The following SLCO3A1 variants were observed in gnomAD, a reference collection of about 807,000 sequenced individuals.
The protein encoded by SLCO3A1 is solute carrier organic anion transporter family member 3A1, also known as PGE1 transporter.
SLCO3A1 carries 27 observed loss-of-function variants against 63.1 expected under a neutral mutation model. That is an observed-to-expected ratio of 0.43 (90% CI 0.32 to 0.59). SLCO3A1 has a LOEUF of 0.59. Ranked by LOEUF, SLCO3A1 falls within the 20% of genes least tolerant of loss-of-function variation. SLCO3A1 has a pLI of 0.09. For missense variants in SLCO3A1, 773 were observed against 945.8 expected, an observed-to-expected ratio of 0.82 and a Z score of 2.40; for synonymous variants, 473 against 409.9, an observed-to-expected ratio of 1.15 and a Z score of -1.86.
intron 2 of SLCO3A1, among the ~76,000 whole-genome samples, chr15:92,031,915 C>G (rs2046654439): frequency 6.6e-6 from 1 of 152,096 alleles, no homozygotes; most frequent in South Asian, 2.1e-4. Context: ...TCATCGTGGA[C>G]CGTGCCACTC....
Position 91,856,412 on chromosome 15 carries a change from T to C in SLCO3A1, c.180+2324T>C, listed in dbSNP as rs1222990990. The stretch of plus-strand genomic sequence containing the variant: ...CTCATGAAAATAAATAGTTGGCTTG[T>C]CAGGGTTGACTGACGCAGCTTGCTA... On this transcript the variant is annotated intron_variant, in intron 1 of 9. Transcript: ENST00000318445. The surrounding 1 kb of genome is among the most constrained non-coding windows in gnomAD (Gnocchi z 4.9). Among the ~76,000 whole-genome samples the C allele has an allele frequency of 6.6e-6, 1 of 152,194 alleles. No individual in the cohort carries two copies. The highest frequency in any genetic ancestry group is 2.1e-4 in the South Asian group (1 of 4,826).
intron 1 of SLCO3A1, among the ~76,000 whole-genome samples, chr15:91,861,797 T>A (rs188916859): frequency 6.6e-6 from 1 of 151,284 alleles, no homozygotes; most frequent in Non-Finnish European, 1.5e-5. Flanking sequence ...CTAGTTTTCT[T>A]ATTTTTTTTT....
At position 91,945,811 on chromosome 15, in the gene SLCO3A1, A is replaced by G. The variant is rs1490921214; in HGVS notation, c.646+29353A>G. ...TGATTTGGAGGCGACTGAAGATAAC[A>G]TGTCACCCTGGGCTACCAAGGAGGC... On this transcript the variant is annotated intron_variant, in intron 2 of 9. Coordinates refer to ENST00000318445, the MANE Select transcript of SLCO3A1 (RefSeq NM_013272.4). Among the ~76,000 whole-genome samples the G allele has an allele frequency of 3.9e-5, 6 of 152,298 alleles. No homozygotes were observed. The East Asian group carries it at 9.7e-4, about 25-fold the overall frequency.
intron 2 of SLCO3A1, among the ~76,000 whole-genome samples, chr15:92,028,908 A>AGTGTGTGTGTGTGTGTGTGTGT (rs61238614): frequency 0.079 from 9,518 of 119,906 alleles, 766 homozygotes; most frequent in African/African-American, 0.085. Flanking sequence ...TGCAGGCACA[A>AGTGTGTGTGTGTGTGTGTGTGT]GTGTGTGTGT....
At chr15:92,087,520 T>A (rs929466943) in intron 2 of SLCO3A1, among the ~76,000 whole-genome samples, 62 of 149,490 alleles carry the variant, frequency 4.1e-4, no homozygotes, top group East Asian at 1.2e-3. Flanking sequence ...TCTATTATTT[T>A]TTTTTTTTTT....
At chr15:92,059,449 C>CA (rs1226948720) in intron 2 of SLCO3A1, among the ~76,000 whole-genome samples, 3 of 152,186 alleles carry the variant, frequency 2.0e-5, no homozygotes, top group Non-Finnish European at 2.9e-5. Flanking sequence ...ATGCTTCTTC[C>CA]GTCACCCTTG....
intron 2 of SLCO3A1, among the ~76,000 whole-genome samples, chr15:91,985,805 G>A (rs1484500282): frequency 6.6e-6 from 1 of 152,210 alleles, no homozygotes. Flanking sequence ...GCAGAAGGTG[G>A]CCTGAAGGGG....
chr15:92,126,237 G>T lies in SLCO3A1; in HGVS notation c.1351G>T (p.Val451Phe). 3 of 1,614,006 alleles carry T rather than the reference G, an allele frequency of 1.9e-6. No homozygotes were observed. The highest frequency in any genetic ancestry group is 2.5e-6 in the Non-Finnish European group (3 of 1,179,984). The change falls in exon 6 of 10, where the codon GTT becomes TTT. Residue 451 changes from valine to phenylalanine, a missense_variant. Physicochemically the swap from Val to Phe is conservative, Grantham distance 50. Around this residue, in one of 3 missense-constraint regions of SLCO3A1, gnomAD observed 565 missense variants for 749.8 expected, o/e 0.75. Coordinates refer to ENST00000318445, the MANE Select transcript of SLCO3A1 (RefSeq NM_013272.4). ...CTGCGACACTGGCCCTGTGGCTGGG[G>T]TTACTGTTCCCTATGGAAACAGGTG... Reference protein sequence around the residue: ...LGCDTGPVAGVTVPYGNSTAP... With the variant: ...LGCDTGPVAGFTVPYGNSTAP...
At chr15:91,939,108 A>G (rs1047315833) in intron 2 of SLCO3A1, among the ~76,000 whole-genome samples, 5 of 152,162 alleles carry the variant, frequency 3.3e-5, no homozygotes, top group African/African-American at 4.8e-5. Context: ...GGCTTATGGT[A>G]TGGCAGGCTC....
intron 2 of SLCO3A1, among the ~76,000 whole-genome samples, chr15:92,067,886 G>C (rs746204010): frequency 2.6e-5 from 4 of 152,192 alleles, no homozygotes; most frequent in Non-Finnish European, 5.9e-5. Flanking sequence ...TGTCTCGTGA[G>C]GATCAGCTTC....
intron 2 of SLCO3A1, among the ~76,000 whole-genome samples, chr15:92,028,451 T>C (rs769458643): frequency 1.1e-4 from 16 of 152,162 alleles, no homozygotes; most frequent in Non-Finnish European, 1.8e-4. Flanking sequence ...TCTACAGATG[T>C]TTATTGAACG....
chr15:91,976,330 T>C (rs1367505811), intron 2 of SLCO3A1, among the ~76,000 whole-genome samples: 2 of 152,246 alleles, frequency 1.3e-5, no homozygotes, highest in African/African-American at 4.8e-5. Context: ...TTGGATTAAA[T>C]ATTAAATATT....
chr15:92,163,482 G>T lies in SLCO3A1; in HGVS notation c.*347G>T. The T allele has an allele frequency of 9.8e-7, 1 of 1,021,696 alleles. No individual in the cohort carries two copies. Among genetic ancestry groups the T allele is most frequent in the Non-Finnish European group, 1.2e-6 (1 of 854,774 alleles). The allele number at this position is 1,021,696 out of a possible 1,614,324, so 63.3% of individuals were successfully genotyped here. On this transcript the variant is annotated 3_prime_UTR_variant, in exon 10 of 10. Transcript: ENST00000318445. ...ACAGTGGTGGCCAGCTTGGAGGATG[G>T]ACATTTCTGGATACACATACACATA...
intron 3 of SLCO3A1, among the ~76,000 whole-genome samples, chr15:92,102,854 G>A (rs916099139): frequency 2.6e-5 from 4 of 152,176 alleles, no homozygotes; most frequent in Non-Finnish European, 5.9e-5. Context: ...AGGTGAGAGC[G>A]TGGACCTTGG....
chr15:92,053,704 T>TG (rs1567092490), intron 2 of SLCO3A1, among the ~76,000 whole-genome samples: 47 of 151,148 alleles, frequency 3.1e-4, no homozygotes, highest in African/African-American at 1.1e-3. Context: ...TTGTTTTTTT[T>TG]TTTTTTACTT....
chr15:91,929,090 T>A (rs1899132494), intron 2 of SLCO3A1, among the ~76,000 whole-genome samples: 1 of 152,120 alleles, frequency 6.6e-6, no homozygotes, highest in Non-Finnish European at 1.5e-5. Context: ...GATAATGTAA[T>A]CCCCAAGACC....
At chr15:92,054,316 G>A (rs918116919) in intron 2 of SLCO3A1, among the ~76,000 whole-genome samples, 4 of 152,208 alleles carry the variant, frequency 2.6e-5, no homozygotes, top group African/African-American at 4.8e-5. Flanking sequence ...TTTACTGCAA[G>A]TAATGCTTAT....
At chr15:92,155,619 C>T (rs1567152034) in intron 9 of SLCO3A1, among the ~76,000 whole-genome samples, 1 of 143,692 alleles carries the variant, frequency 7.0e-6, no homozygotes, top group Non-Finnish European at 1.6e-5. Flanking sequence ...TAGCAGGATG[C>T]AGGATAACCC....
At chr15:91,906,420 T>C (rs928922848) in intron 1 of SLCO3A1, among the ~76,000 whole-genome samples, 2 of 152,246 alleles carry the variant, frequency 1.3e-5, no homozygotes, top group African/African-American at 4.8e-5. Flanking sequence ...CCAGGTCTTA[T>C]CGAACTTTGC....
Sources: gnomAD v4.1 joint callset for allele counts (sites outside exome capture counted in the v4.1 genomes callset) on GRCh38, gnomAD v4.1.1 for gene constraint, gnomAD v4.1.1 regional missense constraint, Gnocchi (gnomAD v3.1) non-coding constraint, MANE v1.5 for transcripts, NCBI Gene and HGNC (gene_info 2026-07-23, HGNC 2026-07-21) for gene names.